The following SNX14 variants were observed in gnomAD, a reference collection of about 807,000 sequenced individuals.
The protein encoded by SNX14 is sorting nexin 14.
SNX14 carries 93 observed loss-of-function variants against 133.8 expected under a neutral mutation model. The observed-to-expected ratio is 0.70, with a 90% CI of 0.59 to 0.83. SNX14 has a LOEUF of 0.83. SNX14 is among the 40% of genes least tolerant of loss of function. The pLI is 0.00. For synonymous variants in SNX14, 368 were observed against 365.6 expected, an observed-to-expected ratio of 1.01 and a Z score of -0.07; for missense variants, 945 against 1,094.9, an observed-to-expected ratio of 0.86 and a Z score of 1.93.
At chr6:85,587,528 T>G (rs888891042) in intron 1 of SNX14, among the ~76,000 whole-genome samples, 5 of 152,196 alleles carry the variant, frequency 3.3e-5, no homozygotes, top group African/African-American at 1.2e-4. Flanking sequence ...TGTAGTAGCA[T>G]GATCAGAGCT....
intron 26 of SNX14, among the ~76,000 whole-genome samples, chr6:85,509,879 T>C (rs1772191644): frequency 6.6e-6 from 1 of 152,184 alleles, no homozygotes; most frequent in South Asian, 2.1e-4. Context: ...AAACAGCAGA[T>C]AGTTGAAAAT....
At chr6:85,552,769 C>CT (rs1788276688) in intron 7 of SNX14, among the ~76,000 whole-genome samples, 1 of 152,198 alleles carries the variant, frequency 6.6e-6, no homozygotes, top group Admixed American at 6.5e-5. Flanking sequence ...GGACTGAACT[C>CT]TAACCACCGT....
chr6:85,568,456 A>T (rs1266576162), intron 4 of SNX14: 2 of 152,252 alleles, frequency 1.3e-5, no homozygotes, highest in African/African-American at 2.4e-5. Context: ...GGTTACACAC[A>T]TATGTTCGCT....
intron 1 of SNX14, among the ~76,000 whole-genome samples, chr6:85,587,663 T>C (rs1050317873): frequency 2.6e-5 from 4 of 152,022 alleles, no homozygotes; most frequent in Non-Finnish European, 4.4e-5. Flanking sequence ...GGTTCCGCCA[T>C]GTTGCCCAGG....
Position 85,543,202 on chromosome 6 carries a change from TAGG to T in SNX14, c.1366_1368del (p.Pro456del). 1 of 1,572,328 alleles carries T rather than the reference TAGG, an allele frequency of 6.4e-7. No individual in the cohort carries two copies. Among genetic ancestry groups the T allele is most frequent in the Non-Finnish European group, 8.6e-7 (1 of 1,163,730 alleles). ...CTTACCTCATCACTATGGCAGAACA[TAGG>T]AGTAAATACATTCTCCAAAAGGGAA... On this transcript the variant is annotated inframe_deletion, in exon 14 of 29. Transcript: ENST00000314673.
At chr6:85,543,886 G>T in intron 12 of SNX14, 126 bp from the exon 13 acceptor site, 2 of 446,254 alleles carry the variant, frequency 4.5e-6, no homozygotes, top group Non-Finnish European at 7.0e-6. Flanking sequence ...ATTCATCTAA[G>T]TTTTTAAAAA....
intron 23 of SNX14, among the ~76,000 whole-genome samples, chr6:85,516,783 A>G (rs1775187720): frequency 6.6e-6 from 1 of 151,916 alleles, no homozygotes; most frequent in African/African-American, 2.4e-5. Flanking sequence ...GATTACAGGC[A>G]CCCACCACCA....
intron 1 of SNX14, among the ~76,000 whole-genome samples, chr6:85,579,007 G>A (rs1798202964): frequency 1.3e-5 from 2 of 152,048 alleles, no homozygotes; most frequent in East Asian, 1.9e-4. Flanking sequence ...GCATGGTGGT[G>A]TGTGCCTGTA....
intron 6 of SNX14, among the ~76,000 whole-genome samples, chr6:85,562,658 C>T (rs6930543): frequency 0.13 from 17,206 of 134,730 alleles, 1,588 homozygotes; most frequent in African/African-American, 0.29. Context: ...GGTGTGATCT[C>T]GGCTCACTGT....
intron 23 of SNX14, among the ~76,000 whole-genome samples, chr6:85,515,275 A>AAC (rs1774520426): frequency 6.6e-6 from 1 of 151,186 alleles, no homozygotes; most frequent in South Asian, 2.1e-4. Context: ...AAAAAAAAAA[A>AAC]AAAAAAAAAA....
chr6:85,592,808 T>C (rs894316075), intron 1 of SNX14, among the ~76,000 whole-genome samples: 1 of 139,274 alleles, frequency 7.2e-6, no homozygotes, highest in Admixed American at 7.3e-5. Flanking sequence ...GCTAAAACGG[T>C]GAAACCCCGT....
chr6:85,506,085 A>G lies in SNX14; in HGVS notation c.2803-80T>C, dbSNP rs1034799750. The G allele has an allele frequency of 9.4e-5, 85 of 901,672 alleles. No individual in the cohort carries two copies. In the African/African-American group the frequency reaches 1.1e-3, roughly 11 times the overall value. 55.9% of individuals were successfully genotyped at this position (901,672 alleles called of 1,614,324 possible). A position where few individuals can be genotyped will look rare whatever the true frequency, so the allele number is the denominator to read the frequency against. On this transcript the variant is annotated intron_variant, in intron 28 of 28. Coordinates refer to ENST00000314673, the MANE Select transcript of SNX14 (RefSeq NM_153816.6). ...ATTGCCTAACAGCTCTAGTGTATTA[A>G]AATTCTAACCTAAGACATATATATT...
Position 85,543,704 on chromosome 6 carries a change from G to A in SNX14, c.1165C>T (p.Leu389Phe). 6.3e-7 allele frequency: 1 copy of A among 1,587,316 alleles called. No homozygotes were observed. Among genetic ancestry groups the A allele is most frequent in the Non-Finnish European group, 8.6e-7 (1 of 1,165,566 alleles). Residue 389 changes from leucine (L) to phenylalanine (F), a missense_variant, in exon 13 of 29, where the codon CTT becomes TTT. By Grantham distance (22) the Leu-to-Phe change is conservative. This residue lies in a region of SNX14 where 514 missense variants were observed against 538.8 expected (regional missense o/e 0.95). Transcript: ENST00000314673. ...PELSNDEMLS[L>F]HEELQKIYKT... ...TAAATCTTCTGCAATTCTTCATGAA[G>A]AGACAGCATTTCATCATTTGATAAT...
intron 21 of SNX14, among the ~76,000 whole-genome samples, chr6:85,518,840 T>C (rs1393826892): frequency 1.3e-5 from 2 of 152,194 alleles, no homozygotes; most frequent in Non-Finnish European, 2.9e-5. Context: ...GTTCTTTAAA[T>C]TATATGGTTT....
intron 1 of SNX14, chr6:85,581,453 C>T (rs1049944439): frequency 2.0e-5 from 3 of 152,214 alleles, no homozygotes; most frequent in Non-Finnish European, 4.4e-5. Flanking sequence ...AAAACATCCA[C>T]AAGCATCAAG....
chr6:85,583,559 G>A (rs566994384), intron 1 of SNX14, among the ~76,000 whole-genome samples: 1 of 152,278 alleles, frequency 6.6e-6, no homozygotes, highest in Admixed American at 6.5e-5. Context: ...CAAAGTCTCA[G>A]GATACAAAAT....
chr6:85,526,357 C>A, intron 20 of SNX14, 120 bp from the exon 21 acceptor site: 1 of 658,422 alleles, frequency 1.5e-6, no homozygotes, highest in East Asian at 3.0e-5. Flanking sequence ...AAAATAATAA[C>A]AAAGCAACTG....
At position 85,514,541 on chromosome 6, in the gene SNX14, G is replaced by C. The variant is rs1240120201; in HGVS notation, c.2357C>G (p.Thr786Ser). ...QNQNYFMEVM[T>S]VEGVYDYLMY... ...CAGGTAATCATAGACTCCTTCTACA[G>C]TCATCACCTCCATAAAATAATTCTG... Residue 786 changes from threonine to serine, a missense_variant, in exon 24 of 29, where the codon ACT becomes AGT. Physicochemically the swap from Thr to Ser is moderately conservative, Grantham distance 58. Coordinates refer to ENST00000314673, the MANE Select transcript of SNX14 (RefSeq NM_153816.6). 2 of 1,613,200 alleles carry C rather than the reference G, an allele frequency of 1.2e-6. No individual in the cohort carries two copies. The highest frequency in any genetic ancestry group is 1.1e-5 in the South Asian group (1 of 91,064).
intron 17 of SNX14, among the ~76,000 whole-genome samples, chr6:85,534,937 A>G (rs558032454): frequency 8.0e-5 from 12 of 149,642 alleles, no homozygotes; most frequent in African/African-American, 2.7e-4. Context: ...ACTGTTCTAT[A>G]TTATTAAAAA....
Sources: gnomAD v4.1 joint callset for allele counts (sites outside exome capture counted in the v4.1 genomes callset) on GRCh38, gnomAD v4.1.1 for gene constraint, gnomAD v4.1.1 regional missense constraint, MANE v1.5 for transcripts, NCBI Gene and HGNC (gene_info 2026-07-23, HGNC 2026-07-21) for gene names.